The following PRKCH variants were observed in gnomAD, a reference collection of about 807,000 sequenced individuals.
The protein encoded by PRKCH is protein kinase C eta type.
PRKCH carries 28 observed loss-of-function variants against 82.5 expected under a neutral mutation model. That is an observed-to-expected ratio of 0.34 (90% CI 0.25 to 0.47). The LOEUF (loss-of-function observed/expected upper bound fraction) is 0.47. PRKCH is among the 20% of genes least tolerant of loss of function. PRKCH has a pLI of 1.00. For missense variants in PRKCH, 705 were observed against 881.8 expected (o/e 0.80, Z 2.54); for synonymous variants, 322 against 327.4 (o/e 0.98, Z 0.18).
chr14:61,225,268 C>T (rs1392462785), intron 1 of PRKCH, among the ~76,000 whole-genome samples: 2 of 152,204 alleles, frequency 1.3e-5, no homozygotes, highest in Non-Finnish European at 2.9e-5. Context: ...CTGGAACTTT[C>T]TGTGGGGAAA....
intron 1 of PRKCH, among the ~76,000 whole-genome samples, chr14:61,232,831 G>T (rs977204822): frequency 1.3e-5 from 2 of 152,108 alleles, no homozygotes; most frequent in Non-Finnish European, 2.9e-5. Flanking sequence ...CTCTAATCAG[G>T]CCTTGGTGTT....
At chr14:61,397,570 A>G in intron 2 of PRKCH, among the ~76,000 whole-genome samples, 1 of 152,210 alleles carries the variant, frequency 6.6e-6, no homozygotes, top group Non-Finnish European at 1.5e-5. Flanking sequence ...ATTATAGTTT[A>G]TCAAACCAAC....
intron 1 of PRKCH, among the ~76,000 whole-genome samples, chr14:61,288,862 A>G (rs2045337563): frequency 6.6e-6 from 1 of 152,208 alleles, no homozygotes; most frequent in Non-Finnish European, 1.5e-5. Flanking sequence ...AATCAGCTTT[A>G]ATAAAGAGGT....
At chr14:61,243,463 G>A (rs1342354124) in intron 1 of PRKCH, among the ~76,000 whole-genome samples, 3 of 151,914 alleles carry the variant, frequency 2.0e-5, no homozygotes, top group East Asian at 1.9e-4. Flanking sequence ...TCTAGGTGGA[G>A]AGAATAACAT....
chr14:61,240,044 G>A (rs530834516), intron 1 of PRKCH, among the ~76,000 whole-genome samples: 2 of 152,284 alleles, frequency 1.3e-5, no homozygotes, highest in Non-Finnish European at 2.9e-5. Context: ...AATTTCACTG[G>A]AGGTTTTGCC....
chr14:61,421,199 G>A (rs983576763), intron 2 of PRKCH, among the ~76,000 whole-genome samples: 4 of 151,726 alleles, frequency 2.6e-5, no homozygotes, highest in East Asian at 1.9e-4. Flanking sequence ...TCCCTTATAA[G>A]TGACTGTATT....
intron 2 of PRKCH, among the ~76,000 whole-genome samples, chr14:61,436,207 G>T (rs941866559): frequency 6.6e-6 from 1 of 152,164 alleles, no homozygotes; most frequent in Non-Finnish European, 1.5e-5. Flanking sequence ...CTCAGCTTGC[G>T]TGGATGCTAT....
At chr14:61,294,062 C>A (rs935919204) in intron 1 of PRKCH, among the ~76,000 whole-genome samples, 22 of 152,206 alleles carry the variant, frequency 1.4e-4, no homozygotes, top group African/African-American at 5.3e-4. Context: ...TCTCCACTCC[C>A]AGAGATGTGG....
intron 1 of PRKCH, among the ~76,000 whole-genome samples, chr14:61,204,100 C>A (rs1033186240): frequency 1.4e-4 from 21 of 151,944 alleles, no homozygotes; most frequent in Non-Finnish European, 4.4e-5. Context: ...TAATCTCACT[C>A]CTTAAGTTTC....
intron 1 of PRKCH, among the ~76,000 whole-genome samples, chr14:61,266,724 G>A (rs1452645433): frequency 3.3e-5 from 5 of 152,138 alleles, no homozygotes; most frequent in African/African-American, 1.2e-4. Flanking sequence ...TTATATGCCT[G>A]GTTCATCTAT....
intron 1 of PRKCH, among the ~76,000 whole-genome samples, chr14:61,267,861 A>G (rs2045117790): frequency 6.6e-6 from 1 of 152,208 alleles, no homozygotes; most frequent in South Asian, 2.1e-4. Flanking sequence ...AATGCTGCCA[A>G]TTAAAATATC....
chr14:61,469,223 C>G (rs1272585784), intron 9 of PRKCH, among the ~76,000 whole-genome samples: 1 of 152,214 alleles, frequency 6.6e-6, no homozygotes, highest in Non-Finnish European at 1.5e-5. Context: ...AGGCATGAGC[C>G]ACCGTGCCTG....
chr14:61,489,102 G>A (rs1425009851), intron 10 of PRKCH, among the ~76,000 whole-genome samples: 1 of 152,192 alleles, frequency 6.6e-6, no homozygotes, highest in East Asian at 1.9e-4. Context: ...TTCACACACA[G>A]TAAAGGGCAC....
intron 2 of PRKCH, among the ~76,000 whole-genome samples, chr14:61,426,570 A>G (rs575615149): frequency 6.6e-6 from 1 of 152,296 alleles, no homozygotes; most frequent in South Asian, 2.1e-4. Flanking sequence ...TTGGATGGTA[A>G]TTTTGCCTGA....
At chr14:61,198,274 C>T (rs1196584102) in intron 1 of PRKCH, among the ~76,000 whole-genome samples, 1 of 152,164 alleles carries the variant, frequency 6.6e-6, no homozygotes, top group African/African-American at 2.4e-5. Flanking sequence ...CATGATGTAG[C>T]CTCAGCCTTC....
chr14:61,381,092 AGGAC>A (rs1159632293), intron 1 of PRKCH, among the ~76,000 whole-genome samples: 1 of 152,214 alleles, frequency 6.6e-6, no homozygotes, highest in Non-Finnish European at 1.5e-5. Flanking sequence ...GAAACTGTTT[AGGAC>A]TTGGAACCTT....
At chr14:61,365,236 G>T (rs1014211843) in intron 1 of PRKCH, among the ~76,000 whole-genome samples, 2 of 152,092 alleles carry the variant, frequency 1.3e-5, no homozygotes, top group Non-Finnish European at 2.9e-5. Flanking sequence ...ATATGCAGGG[G>T]CAGGTATAGG....
At chr14:61,258,741 T>C (rs1034503605) in intron 1 of PRKCH, among the ~76,000 whole-genome samples, 1 of 152,258 alleles carries the variant, frequency 6.6e-6, no homozygotes, top group Non-Finnish European at 1.5e-5. Context: ...TCCAGGACTT[T>C]ATATTTGCAA....
intron 5 of PRKCH, among the ~76,000 whole-genome samples, chr14:61,450,460 GC>G (rs1884452680): frequency 6.6e-6 from 1 of 152,020 alleles, no homozygotes; most frequent in African/African-American, 2.4e-5. Context: ...TACAGTGATA[GC>G]AAGTATATAT....
Sources: gnomAD v4.1 joint callset for allele counts (sites outside exome capture counted in the v4.1 genomes callset) on GRCh38, gnomAD v4.1.1 for gene constraint, MANE v1.5 for transcripts, NCBI Gene and HGNC (gene_info 2026-07-23, HGNC 2026-07-21) for gene names.